The following CLSTN2 variants were observed in gnomAD, a reference collection of about 807,000 sequenced individuals.
The protein encoded by CLSTN2 is calsyntenin 2.
CLSTN2 carries 48 observed loss-of-function variants against 101.2 expected under a neutral mutation model. The observed-to-expected ratio is 0.47, with a 90% CI of 0.38 to 0.60. CLSTN2 has a LOEUF of 0.60. Among genes scored for constraint, CLSTN2 ranks in the 20% least tolerant of loss-of-function variants. CLSTN2 has a pLI of 0.00. For missense variants in CLSTN2, 1,160 were observed against 1,238.2 expected, an observed-to-expected ratio of 0.94 and a Z score of 0.95; for synonymous variants, 481 against 463.6, an observed-to-expected ratio of 1.04 and a Z score of -0.48.
chr3:140,573,718 T>C lies in CLSTN2; in HGVS notation c.*7465T>C, dbSNP rs1985639780. 1 of 152,206 alleles carries C rather than the reference T, an allele frequency of 6.6e-6. No individual in the cohort carries two copies. Among genetic ancestry groups the C allele is most frequent in the Admixed American group, 6.5e-5 (1 of 15,278 alleles). The allele number at this position is 152,206 out of a possible 1,614,324, so 9.4% of individuals were successfully genotyped here. On this transcript the variant is annotated 3_prime_UTR_variant, in exon 17 of 17. Transcript: ENST00000458420. ...AGCAGTCTAGGAAAGGGACTAGACA[T>C]GTAGCCTAGGAAAACTAGCACCATC...
At chr3:140,355,740 TG>T (rs922600907) in intron 2 of CLSTN2, among the ~76,000 whole-genome samples, 3 of 152,184 alleles carry the variant, frequency 2.0e-5, no homozygotes, top group African/African-American at 7.2e-5. Context: ...GGGGATGCCA[TG>T]GCTGTATCAG....
chr3:140,214,393 G>A (rs1254095039), intron 2 of CLSTN2, among the ~76,000 whole-genome samples: 1 of 151,892 alleles, frequency 6.6e-6, no homozygotes, highest in Non-Finnish European at 1.5e-5. Context: ...AGTGGAGGTT[G>A]TAGTGAACCA....
intron 2 of CLSTN2, among the ~76,000 whole-genome samples, chr3:140,399,831 C>A (rs1370546269): frequency 6.6e-6 from 1 of 152,000 alleles, no homozygotes; most frequent in Non-Finnish European, 1.5e-5. Flanking sequence ...GAGCATAGTA[C>A]CCAATAGGTA....
At chr3:140,250,007 C>G (rs928848506) in intron 2 of CLSTN2, among the ~76,000 whole-genome samples, 1 of 152,126 alleles carries the variant, frequency 6.6e-6, no homozygotes, top group Non-Finnish European at 1.5e-5. Context: ...GGATGCCAGG[C>G]AAGTCATTTC....
intron 5 of CLSTN2, among the ~76,000 whole-genome samples, chr3:140,442,898 G>A (rs1467615986): frequency 2.6e-5 from 4 of 152,324 alleles, no homozygotes; most frequent in African/African-American, 7.2e-5. Context: ...GGTCAGTGGA[G>A]ATGACAGCAC....
At chr3:139,957,923 G>A (rs1935440953) in intron 1 of CLSTN2, among the ~76,000 whole-genome samples, 1 of 152,190 alleles carries the variant, frequency 6.6e-6, no homozygotes, top group South Asian at 2.1e-4. Context: ...GCGATCCCCT[G>A]TGTCAAACTC....
chr3:140,159,045 A>G (rs1560112748), intron 1 of CLSTN2, among the ~76,000 whole-genome samples: 1 of 152,198 alleles, frequency 6.6e-6, no homozygotes, highest in Non-Finnish European at 1.5e-5. Context: ...TGGATTAAAG[A>G]TTTAAATGTG....
intron 8 of CLSTN2, among the ~76,000 whole-genome samples, chr3:140,492,284 C>A (rs532399635): frequency 6.6e-6 from 1 of 152,136 alleles, no homozygotes; most frequent in South Asian, 2.1e-4. Flanking sequence ...TCTGCTAAAG[C>A]GGGCCCAGTA....
intron 2 of CLSTN2, among the ~76,000 whole-genome samples, chr3:140,229,001 T>G (rs1214890520): frequency 6.6e-6 from 1 of 152,202 alleles, no homozygotes; most frequent in Non-Finnish European, 1.5e-5. Flanking sequence ...AAAGATTATG[T>G]GTCCATTCTG....
chr3:139,994,914 C>T (rs1200466455), intron 1 of CLSTN2, among the ~76,000 whole-genome samples: 1 of 152,162 alleles, frequency 6.6e-6, no homozygotes, highest in African/African-American at 2.4e-5. Flanking sequence ...CTGCTTTCCT[C>T]TCTTAGATGT....
At chr3:140,260,583 G>A (rs999319152) in intron 2 of CLSTN2, among the ~76,000 whole-genome samples, 2 of 151,596 alleles carry the variant, frequency 1.3e-5, no homozygotes, top group Non-Finnish European at 3.0e-5. Context: ...TGAGAAGGCA[G>A]TACAGTTTTC....
At chr3:140,140,335 T>A (rs571084686) in intron 1 of CLSTN2, among the ~76,000 whole-genome samples, 1 of 152,164 alleles carries the variant, frequency 6.6e-6, no homozygotes. Flanking sequence ...CTTTTGCTTC[T>A]GACGAGGCCT....
chr3:140,337,997 A>G (rs1174734480), intron 2 of CLSTN2, among the ~76,000 whole-genome samples: 1 of 152,168 alleles, frequency 6.6e-6, no homozygotes, highest in Non-Finnish European at 1.5e-5. Context: ...GCTGGGGGGA[A>G]ACAAAGGCAC....
chr3:140,476,061 G>C (rs1018400642), intron 8 of CLSTN2, among the ~76,000 whole-genome samples: 1 of 152,162 alleles, frequency 6.6e-6, no homozygotes, highest in Non-Finnish European at 1.5e-5. Flanking sequence ...TACCTTTCTC[G>C]TTTCCTTTGG....
At chr3:140,477,419 T>C (rs1934010832) in intron 8 of CLSTN2, among the ~76,000 whole-genome samples, 1 of 152,126 alleles carries the variant, frequency 6.6e-6, no homozygotes, top group African/African-American at 2.4e-5. Context: ...AGCCTTGTAA[T>C]TGCACTAACT....
intron 1 of CLSTN2, among the ~76,000 whole-genome samples, chr3:139,997,054 A>G (rs2006683182): frequency 6.9e-6 from 1 of 144,568 alleles, no homozygotes; most frequent in African/African-American, 2.5e-5. Context: ...TCTCAAAAAA[A>G]AAAAAAAAAA....
At chr3:140,305,874 T>C (rs1183976791) in intron 2 of CLSTN2, among the ~76,000 whole-genome samples, 1 of 152,056 alleles carries the variant, frequency 6.6e-6, no homozygotes, top group Non-Finnish European at 1.5e-5. Context: ...TAAAAACTGA[T>C]AGATAACTTT....
At chr3:140,331,592 C>T (rs115305491) in intron 2 of CLSTN2, among the ~76,000 whole-genome samples, 241 of 152,316 alleles carry the variant, frequency 1.6e-3, no homozygotes, top group African/African-American at 5.7e-3. Context: ...ACATCTTCAC[C>T]AAGGATATCT....
At chr3:140,418,910 C>T (rs1228692274) in intron 4 of CLSTN2, among the ~76,000 whole-genome samples, 2 of 152,098 alleles carry the variant, frequency 1.3e-5, no homozygotes, top group East Asian at 1.9e-4. Flanking sequence ...AACTTTGTCT[C>T]AGACCCTCAC....
Sources: allele counts gnomAD v4.1 joint callset (sites outside exome capture counted in the v4.1 genomes callset), GRCh38; gene constraint gnomAD v4.1.1; transcripts MANE v1.5; gene names NCBI Gene and HGNC (gene_info 2026-07-23, HGNC 2026-07-21).